CFAP96: variants seen among roughly 807,000 people sequenced by gnomAD.
CFAP96 encodes cilia-and flagella-associated protein 96.
the CFAP96 span, chr4:185,426,045 G>T: frequency 3.0e-6 from 2 of 668,046 alleles, no homozygotes; most frequent in East Asian, 2.8e-5. Flanking sequence ...CCTCGCGGAC[G>T]GCGAGGCGGG....
At chr4:185,414,552 G>T in the CFAP96 span, among the ~76,000 whole-genome samples, 137,059 of 152,166 alleles carry the variant, frequency 0.9, 61,842 homozygotes, top group East Asian at 0.99. Context: ...GGGTATTCTC[G>T]CTCTCCCTAA....
chr4:185,425,635 G>C, the CFAP96 span, among the ~76,000 whole-genome samples: 3 of 152,248 alleles, frequency 2.0e-5, no homozygotes, highest in Non-Finnish European at 2.9e-5. Flanking sequence ...GAAGTAGCAG[G>C]GGGTGCGTGT....
At chr4:185,431,545 G>A in the CFAP96 span, among the ~76,000 whole-genome samples, 6 of 152,262 alleles carry the variant, frequency 3.9e-5, no homozygotes, top group East Asian at 3.9e-4. Context: ...AGACACTCAC[G>A]CATCTTGAAT....
the CFAP96 span, chr4:185,422,389 CCTAT>C: frequency 2.3e-6 from 2 of 884,400 alleles, no homozygotes; most frequent in African/African-American, 1.7e-5. Context: ...CTTAGTTCAT[CCTAT>C]CTCTCTCTCA....
the CFAP96 span, among the ~76,000 whole-genome samples, chr4:185,443,913 A>G: frequency 0.85 from 99,592 of 117,176 alleles, 42,138 homozygotes; most frequent in East Asian, 0.96. Flanking sequence ...ACTTATAACT[A>G]TATCTTTCTT....
the CFAP96 span, among the ~76,000 whole-genome samples, chr4:185,409,638 G>A: frequency 6.6e-6 from 1 of 152,166 alleles, no homozygotes; most frequent in Non-Finnish European, 1.5e-5. Context: ...CTGAAAAGTG[G>A]CTCCCAAAAG....
chr4:185,425,743 C>T, the CFAP96 span: 2 of 1,440,110 alleles, frequency 1.4e-6, no homozygotes, highest in Non-Finnish European at 9.5e-7. Flanking sequence ...GCCCACGCAG[C>T]TCGCAGCTGC....
chr4:185,429,481 G>A, the CFAP96 span: 5 of 1,537,058 alleles, frequency 3.3e-6, no homozygotes, highest in East Asian at 5.0e-5. Flanking sequence ...ATATATTACT[G>A]TGGGTGATAA....
chr4:185,443,332 A>T, the CFAP96 span, among the ~76,000 whole-genome samples: 1 of 30,044 alleles, frequency 3.3e-5, no homozygotes. Flanking sequence ...ATATATATAT[A>T]TATATATATA....
chr4:185,439,008 T>C, the CFAP96 span, among the ~76,000 whole-genome samples: 2 of 152,212 alleles, frequency 1.3e-5, no homozygotes, highest in African/African-American at 4.8e-5. Flanking sequence ...AACTGAACAT[T>C]CTAGGGCAGG....
At chr4:185,409,574 T>C in the CFAP96 span, among the ~76,000 whole-genome samples, 35 of 152,158 alleles carry the variant, frequency 2.3e-4, no homozygotes, top group African/African-American at 8.2e-4. Context: ...TTAGAGAATA[T>C]ATATTCTGCC....
chr4:185,418,791 T>C, the CFAP96 span: 1 of 1,558,564 alleles, frequency 6.4e-7, no homozygotes, highest in Admixed American at 2.0e-5. Flanking sequence ...AGAATATAAA[T>C]AGAAGTTAAG....
At chr4:185,425,925 G>T in the CFAP96 span, 1 of 1,566,440 alleles carries the variant, frequency 6.4e-7, no homozygotes, top group African/African-American at 1.3e-5. Flanking sequence ...TCCGGGGGCC[G>T]GCCCTGAAGT....
At chr4:185,411,935 T>A in the CFAP96 span, among the ~76,000 whole-genome samples, 5 of 152,306 alleles carry the variant, frequency 3.3e-5, no homozygotes, top group South Asian at 6.2e-4. Context: ...ATTGCTGAGA[T>A]TGATATGTAA....
the CFAP96 span, chr4:185,435,999 G>T: frequency 2.9e-6 from 4 of 1,400,616 alleles, no homozygotes; most frequent in Non-Finnish European, 3.8e-6. Context: ...CTTAAACTTT[G>T]CCATTTTAAC....
At chr4:185,445,058 A>G in the CFAP96 span, 35 of 1,551,536 alleles carry the variant, frequency 2.3e-5, no homozygotes, top group African/African-American at 4.4e-4. Context: ...GGCAAAGATG[A>G]TAAGATTTTC....
the CFAP96 span, chr4:185,436,357 A>G: frequency 2.6e-6 from 4 of 1,537,796 alleles, no homozygotes; most frequent in Non-Finnish European, 3.5e-6. Context: ...ACTAAAGTAT[A>G]AGGTAAAAAA....
chr4:185,434,143 C>T, the CFAP96 span, among the ~76,000 whole-genome samples: 8 of 151,836 alleles, frequency 5.3e-5, no homozygotes, highest in South Asian at 2.1e-4. Flanking sequence ...ACACTTGAGC[C>T]GGGAGTTTGA....
At chr4:185,436,777 CTATT>C in the CFAP96 span, among the ~76,000 whole-genome samples, 1 of 150,696 alleles carries the variant, frequency 6.6e-6, no homozygotes, top group Non-Finnish European at 1.5e-5. Context: ...TTTGTTCTAT[CTATT>C]TGTATCACTG....
Sources: allele counts gnomAD v4.1 joint callset (sites outside exome capture counted in the v4.1 genomes callset), GRCh38; gene constraint gnomAD v4.1.1; transcripts MANE v1.5; gene names NCBI Gene and HGNC (gene_info 2026-07-23, HGNC 2026-07-21).